CCDC149: variants seen among roughly 807,000 people sequenced by gnomAD.
CCDC149 encodes the protein coiled-coil domain containing 149, also known as coiled-coil domain-containing protein 149.
In CCDC149, 45 loss-of-function variants were observed where a neutral mutation model predicts 59.9. The ratio of observed to expected loss-of-function variants is 0.75; its 90% CI spans 0.59 to 0.96. The LOEUF is 0.96. Ranked by LOEUF, CCDC149 falls within the 40% of genes least tolerant of loss-of-function variation. The probability of loss-of-function intolerance (pLI) is 0.00; values close to 1 mark genes in which losing one functional copy is unlikely to be tolerated. For missense variants in CCDC149, 584 were observed against 664.7 expected, an observed-to-expected ratio of 0.88 and a Z score of 1.33; for synonymous variants, 245 against 260.6, an observed-to-expected ratio of 0.94 and a Z score of 0.58.
chr4:24,853,312 T>C (rs1225186795), intron 3 of CCDC149, 133 bp from the exon 4 acceptor site: 1 of 686,312 alleles, frequency 1.5e-6, no homozygotes, highest in African/African-American at 1.8e-5. Flanking sequence ...TAAACACATA[T>C]ATGAATGCAG....
chr4:24,874,559 G>A (rs1719290124), intron 2 of CCDC149, among the ~76,000 whole-genome samples: 1 of 152,100 alleles, frequency 6.6e-6, no homozygotes, highest in Non-Finnish European at 1.5e-5. Context: ...TCCAGCCTGG[G>A]CAACAGAGTG....
intron 3 of CCDC149, among the ~76,000 whole-genome samples, chr4:24,859,251 G>A (rs768914401): frequency 7.9e-5 from 12 of 152,118 alleles, no homozygotes; most frequent in South Asian, 2.1e-4. Flanking sequence ...TTGCCCAACC[G>A]TACACTAATA....
chr4:24,959,068 G>C (rs566818496), intron 1 of CCDC149, among the ~76,000 whole-genome samples: 69 of 151,816 alleles, frequency 4.5e-4, no homozygotes, highest in African/African-American at 1.6e-3. Flanking sequence ...CCGCCTCCCG[G>C]GTTCAAGCAA....
At chr4:24,826,543 G>C (rs187032870) in intron 9 of CCDC149, among the ~76,000 whole-genome samples, 2 of 152,292 alleles carry the variant, frequency 1.3e-5, no homozygotes, top group South Asian at 2.1e-4. Context: ...AGTGCAGGCT[G>C]GGGGAGCAGA....
chr4:24,848,734 T>TGCTAAGATC, intron 4 of CCDC149, among the ~76,000 whole-genome samples: 2 of 152,092 alleles, frequency 1.3e-5, no homozygotes, highest in South Asian at 4.2e-4. Context: ...ATGCTGAGGT[T>TGCTAAGATC]GCTAAGATCT....
chr4:24,968,195 C>A (rs1723858656), intron 1 of CCDC149, among the ~76,000 whole-genome samples: 1 of 152,200 alleles, frequency 6.6e-6, no homozygotes, highest in South Asian at 2.1e-4. Flanking sequence ...AGGCCTGTGG[C>A]AGTGCACGGG....
intron 3 of CCDC149, 169 bp from the exon 4 acceptor site, chr4:24,853,348 A>G: frequency 3.3e-6 from 2 of 602,218 alleles, no homozygotes; most frequent in African/African-American, 3.8e-5. Context: ...CACCACTACA[A>G]TGGCACGCAG....
intron 3 of CCDC149, among the ~76,000 whole-genome samples, chr4:24,856,461 A>G (rs1377707965): frequency 6.6e-6 from 1 of 152,242 alleles, no homozygotes; most frequent in African/African-American, 2.4e-5. Context: ...GTGTTGGAAG[A>G]AAGGGCCGCA....
chr4:24,892,281 T>C (rs1204015200), intron 1 of CCDC149, among the ~76,000 whole-genome samples: 1 of 152,190 alleles, frequency 6.6e-6, no homozygotes, highest in Non-Finnish European at 1.5e-5. Flanking sequence ...AGATCTTTTA[T>C]CTGTAAAATA....
Position 24,808,284 on chromosome 4 carries a change from C to T in CCDC149, c.*105G>A, listed in dbSNP as rs952819311. The T allele has an allele frequency of 2.8e-5, 29 of 1,039,760 alleles. No homozygotes were observed. The African/African-American group carries it at 4.2e-4, about 15-fold the overall frequency. 64.4% of individuals were successfully genotyped at this position (1,039,760 alleles called of 1,614,324 possible). A position where few individuals can be genotyped will look rare whatever the true frequency, so the allele number is the denominator to read the frequency against. ...CAGTGCGTTTTCTCACTTGCAGACT[C>T]GGAGGTATTTCAGGAGAAGGCGACG... On this transcript the variant is annotated 3_prime_UTR_variant, in exon 13 of 13. Coordinates refer to ENST00000635206, the MANE Select transcript of CCDC149 (RefSeq NM_001330643.2).
chr4:24,947,182 C>G (rs1252755537), intron 1 of CCDC149, among the ~76,000 whole-genome samples: 3 of 152,138 alleles, frequency 2.0e-5, no homozygotes, highest in East Asian at 3.9e-4. Flanking sequence ...TGTCCCCACC[C>G]AAATCTCATC....
intron 4 of CCDC149, among the ~76,000 whole-genome samples, chr4:24,846,659 G>A (rs916343273): frequency 2.6e-5 from 4 of 152,064 alleles, no homozygotes; most frequent in Admixed American, 6.6e-5. Context: ...ATCATTTCAC[G>A]GCACCAATGA....
At chr4:24,864,060 C>T (rs575767694) in intron 3 of CCDC149, among the ~76,000 whole-genome samples, 1 of 152,342 alleles carries the variant, frequency 6.6e-6, no homozygotes, top group East Asian at 1.9e-4. Context: ...GCTGACTTTT[C>T]TTCATGGGAC....
Position 24,807,832 on chromosome 4 carries a change from C to A in CCDC149, c.*557G>T, listed in dbSNP as rs1049234076. On this transcript the variant is annotated 3_prime_UTR_variant, in exon 13 of 13. Coordinates refer to ENST00000635206, the MANE Select transcript of CCDC149 (RefSeq NM_001330643.2). Reference sequence around the variant, plus strand: ...TTCCAACTGCCAGTCTGTACCACGACAGCAGTGCTGTGGGCACAATGCCAA... The same window carrying A: ...TTCCAACTGCCAGTCTGTACCACGAAAGCAGTGCTGTGGGCACAATGCCAA... 6.6e-6 allele frequency: 1 copy of A among 152,306 alleles called. No homozygotes were observed. The highest frequency in any genetic ancestry group is 2.4e-5 in the African/African-American group (1 of 41,470). 9.4% of individuals were successfully genotyped at this position (152,306 alleles called of 1,614,324 possible).
chr4:24,866,647 C>A (rs944890274), intron 3 of CCDC149, among the ~76,000 whole-genome samples: 36 of 152,084 alleles, frequency 2.4e-4, no homozygotes, highest in African/African-American at 7.0e-4. Context: ...TTCTTCACAG[C>A]TTCTTTAACG....
intron 4 of CCDC149, among the ~76,000 whole-genome samples, chr4:24,845,208 AGC>A (rs1717207132): frequency 6.6e-6 from 1 of 152,158 alleles, no homozygotes; most frequent in Non-Finnish European, 1.5e-5. Context: ...TCCCGCACCA[AGC>A]CCCTGACACC....
At chr4:24,963,567 C>T (rs1056526253) in intron 1 of CCDC149, among the ~76,000 whole-genome samples, 1 of 152,178 alleles carries the variant, frequency 6.6e-6, no homozygotes. Context: ...AGTCAGTGGA[C>T]CCAATGGGGA....
At chr4:24,935,821 C>T (rs1376019392) in intron 1 of CCDC149, among the ~76,000 whole-genome samples, 1 of 152,030 alleles carries the variant, frequency 6.6e-6, no homozygotes, top group Non-Finnish European at 1.5e-5. Flanking sequence ...GAGGGAGAAC[C>T]AAAGTTATAT....
At chr4:24,975,515 G>A (rs1159595611) in intron 1 of CCDC149, among the ~76,000 whole-genome samples, 1 of 140,874 alleles carries the variant, frequency 7.1e-6, no homozygotes, top group East Asian at 2.3e-4. Flanking sequence ...GGAAAGGAAG[G>A]AAAAGTAGGA....
Sources: allele counts gnomAD v4.1 joint callset (sites outside exome capture counted in the v4.1 genomes callset), GRCh38; gene constraint gnomAD v4.1.1; transcripts MANE v1.5; gene names NCBI Gene and HGNC (gene_info 2026-07-23, HGNC 2026-07-21).